MIA2: variants seen among roughly 807,000 people sequenced by gnomAD.
MIA2 encodes melanoma inhibitory activity protein 2.
In MIA2, 127 loss-of-function variants were observed where a neutral mutation model predicts 167.8. That is an observed-to-expected ratio of 0.76 (90% confidence interval 0.66 to 0.88). The LOEUF (loss-of-function observed/expected upper bound fraction) is 0.88. Among genes scored for constraint, MIA2 ranks in the 40% least tolerant of loss-of-function variants. MIA2 has a pLI of 0.00. For synonymous variants in MIA2, 552 were observed against 541.9 expected (o/e 1.02, Z -0.26); for missense variants, 1,690 against 1,624.7 (o/e 1.04, Z -0.69).
chr14:39,359,597 C>T (rs577184577), intron 23 of MIA2, among the ~76,000 whole-genome samples: 61 of 152,276 alleles, frequency 4.0e-4, no homozygotes, highest in African/African-American at 1.2e-3. Flanking sequence ...GAGATGAACC[C>T]GGTACCTCTA....
intron 19 of MIA2, among the ~76,000 whole-genome samples, chr14:39,313,826 A>T (rs1451729158): frequency 6.6e-6 from 1 of 152,184 alleles, no homozygotes; most frequent in Non-Finnish European, 1.5e-5. Context: ...CCACAAAAAG[A>T]AGAGTGAGCC....
chr14:39,252,047 A>T (rs1408164274), intron 4 of MIA2, among the ~76,000 whole-genome samples: 1 of 131,396 alleles, frequency 7.6e-6, no homozygotes, highest in Non-Finnish European at 1.6e-5. Flanking sequence ...AGGGTTTTTT[A>T]AAAGTAATTT....
intron 21 of MIA2, among the ~76,000 whole-genome samples, chr14:39,316,262 T>A (rs561532735): frequency 6.6e-6 from 1 of 152,328 alleles, no homozygotes; most frequent in South Asian, 2.1e-4. Flanking sequence ...AGATTTTGAC[T>A]AATTATAAGA....
At chr14:39,314,913 C>A in intron 20 of MIA2, 114 bp downstream of exon 20, 1 of 777,734 alleles carries the variant, frequency 1.3e-6, no homozygotes, top group South Asian at 4.5e-5. Flanking sequence ...AGTTGTATAC[C>A]TCTTTTGAGG....
chr14:39,298,595 G>A (rs956742130), intron 13 of MIA2, among the ~76,000 whole-genome samples: 1 of 140,310 alleles, frequency 7.1e-6, no homozygotes, highest in Non-Finnish European at 1.5e-5. Flanking sequence ...GTGCGCAGGC[G>A]GGCTGAGTCC....
At chr14:39,274,266 T>C (rs114883955) in intron 6 of MIA2, among the ~76,000 whole-genome samples, 37 of 152,300 alleles carry the variant, frequency 2.4e-4, no homozygotes, top group African/African-American at 7.9e-4. Context: ...TTTGTTGATA[T>C]TTGAGAAATT....
intron 18 of MIA2, among the ~76,000 whole-genome samples, chr14:39,309,223 A>G (rs1341163385): frequency 6.6e-6 from 1 of 152,112 alleles, no homozygotes; most frequent in Non-Finnish European, 1.5e-5. Context: ...TTTCTCCTGC[A>G]CTGTGTTTTC....
downstream of MIA2, chr14:39,351,273 C>G (rs2074360488): frequency 6.6e-6 from 1 of 150,634 alleles, no homozygotes; most frequent in Non-Finnish European, 1.5e-5. Context: ...TTGAATAAAG[C>G]AGTGATATAT....
chr14:39,300,876 T>G (rs1264627990), intron 14 of MIA2, among the ~76,000 whole-genome samples: 2 of 151,976 alleles, frequency 1.3e-5, no homozygotes, highest in African/African-American at 2.4e-5. Flanking sequence ...TAAGAATATT[T>G]TCAAAATTCC....
In MIA2 at chr14:39,240,670, G is replaced by A. The variant is rs768895283; in HGVS notation, c.336+23G>A. The A allele has an allele frequency of 3.2e-6, 5 of 1,551,958 alleles. No individual in the cohort carries two copies. The Admixed American group carries it at 8.5e-5, about 26-fold the overall frequency. ...AAAGTGAGTAAACTCATTCTCAGTT[G>A]TTAATTGAATTTAAAATTTCTTGGT... On this transcript the variant is annotated intron_variant, in intron 3 of 28. Coordinates refer to ENST00000640607, the MANE Select transcript of MIA2 (RefSeq NM_001329214.4).
In MIA2 at chr14:39,247,681, T is replaced by C. The variant is rs1347563839; in HGVS notation, c.1107T>C (p.Asp369=). 8 of 1,612,086 alleles carry C rather than the reference T, an allele frequency of 5.0e-6. No homozygotes were observed. In the South Asian group the frequency reaches 7.7e-5, roughly 16 times the overall value. The change falls in exon 4 of 29, where the codon GAT becomes GAC. Residue 369 remains aspartate, a synonymous_variant. Coordinates refer to ENST00000640607, the MANE Select transcript of MIA2 (RefSeq NM_001329214.4). ...AAAAAAAAGACACAATCACTAATGA[T>C]AGCTTGAGTCTCAAGCCAAGTTGGT... is the stretch of plus-strand genomic sequence containing the variant. ...LTEKKDTITN[D]SLSLKPSWFD... is the part of the protein sequence containing the mutation.
At chr14:39,285,043 A>G (rs1402659248) in intron 9 of MIA2, among the ~76,000 whole-genome samples, 2 of 152,336 alleles carry the variant, frequency 1.3e-5, no homozygotes, top group South Asian at 4.1e-4. Context: ...GACACAGCAC[A>G]TGTTTCAGAG....
At chr14:39,281,112 A>G (rs1351441494) in intron 9 of MIA2, among the ~76,000 whole-genome samples, 4 of 151,638 alleles carry the variant, frequency 2.6e-5, no homozygotes, top group African/African-American at 9.7e-5. Flanking sequence ...TCTTGTAGAG[A>G]TGGGGTTTTG....
At chr14:39,328,213 T>C (rs1294598882) in intron 25 of MIA2, among the ~76,000 whole-genome samples, 1 of 152,264 alleles carries the variant, frequency 6.6e-6, no homozygotes, top group African/African-American at 2.4e-5. Flanking sequence ...ATTTCTCTAA[T>C]GACCAGTGAT....
chr14:39,295,357 T>C (rs979731415), intron 13 of MIA2, among the ~76,000 whole-genome samples: 4 of 152,178 alleles, frequency 2.6e-5, no homozygotes, highest in African/African-American at 9.7e-5. Flanking sequence ...GGTCTAAAGA[T>C]AGAAACAATT....
chr14:39,358,194 CA>C (rs1279101020), intron 23 of MIA2, among the ~76,000 whole-genome samples: 1 of 152,206 alleles, frequency 6.6e-6, no homozygotes, highest in Admixed American at 6.5e-5. Context: ...GTACACCAAT[CA>C]GACATAGATT....
chr14:39,365,394 T>TC (rs2074798108), intron 23 of MIA2, among the ~76,000 whole-genome samples: 2 of 152,218 alleles, frequency 1.3e-5, no homozygotes, highest in Non-Finnish European at 2.9e-5. Context: ...AGCCTTCTCT[T>TC]CTTTTTTCTG....
chr14:39,373,631 G>A (rs2074993200), intron 23 of MIA2, among the ~76,000 whole-genome samples: 1 of 152,004 alleles, frequency 6.6e-6, no homozygotes, highest in African/African-American at 2.4e-5. Context: ...GACCAGCCTC[G>A]CCAACATGGT....
intron 2 of MIA2, 27 bp downstream of exon 2, chr14:39,237,082 T>A: frequency 6.2e-7 from 1 of 1,607,986 alleles, no homozygotes; most frequent in South Asian, 1.1e-5. Context: ...AAAAATTGAA[T>A]GCAGAATAAA....
Sources: allele counts gnomAD v4.1 joint callset (sites outside exome capture counted in the v4.1 genomes callset), GRCh38; gene constraint gnomAD v4.1.1; transcripts MANE v1.5; gene names NCBI Gene and HGNC (gene_info 2026-07-23, HGNC 2026-07-21).